The following DERL2 variants were observed in gnomAD, a reference collection of about 807,000 sequenced individuals.
DERL2 encodes the protein derlin 2.
In DERL2, 13 loss-of-function variants were observed where a neutral mutation model predicts 32.0. The ratio of observed to expected loss-of-function variants is 0.41; its 90% CI spans 0.26 to 0.65. DERL2 has a LOEUF of 0.65. DERL2 is among the 30% of genes least tolerant of loss of function. DERL2 has a pLI of 0.35. For synonymous variants in DERL2, 111 were observed against 104.7 expected (o/e 1.06, Z -0.37); for missense variants, 208 against 296.3 (o/e 0.70, Z 2.19).
intron 6 of DERL2, 146 bp downstream of exon 6, chr17:5,479,905 CTCT>C (rs1187809483): frequency 3.5e-6 from 2 of 567,330 alleles, no homozygotes; most frequent in Non-Finnish European, 6.2e-6. Context: ...AGTCCAAGTG[CTCT>C]TCAACTGTAG....
At chr17:5,476,828 C>A (rs1905418854) in intron 6 of DERL2, among the ~76,000 whole-genome samples, 2 of 152,110 alleles carry the variant, frequency 1.3e-5, no homozygotes, top group African/African-American at 4.8e-5. Context: ...CCTTCTACTG[C>A]CCAAACATTA....
chr17:5,486,590 A>C, upstream of DERL2: 2 of 156,012 alleles, frequency 1.3e-5, no homozygotes. Context: ...TGGGGAGCCA[A>C]CCGCGCCGTC....
At chr17:5,480,165 A>C (rs1215678057) in intron 5 of DERL2, 21 bp from the exon 6 acceptor site, 1 of 1,512,494 alleles carries the variant, frequency 6.6e-7, no homozygotes, top group East Asian at 2.3e-5. Context: ...GCAGAAATAA[A>C]GGATGAGGGA....
rs767267573 is a variant in DERL2 at position 5,486,149 on chromosome 17, T to C, written c.13A>G (p.Ser5Gly). The C allele has an allele frequency of 1.7e-5, 28 of 1,609,040 alleles. No individual in the cohort carries two copies. The highest frequency in any genetic ancestry group is 2.1e-5 in the Non-Finnish European group (25 of 1,177,892). The change falls in exon 1 of 7, where the codon AGC (serine) becomes GGC (glycine). Residue 5 changes from serine to glycine, a missense_variant. Around this residue, in one of 3 missense-constraint regions of DERL2, gnomAD observed 44 missense variants for 42.3 expected, o/e 1.04. Coordinates refer to ENST00000158771, the MANE Select transcript of DERL2 (RefSeq NM_016041.5). MAYQ[S>G]LRLEYLQIPP... Reference sequence around the variant, plus strand: ...ATCTGCAGGTACTCCAGCCGCAAGCTCTGGTACGCCATCTTCCCCACCGTC... The same window carrying C: ...ATCTGCAGGTACTCCAGCCGCAAGCCCTGGTACGCCATCTTCCCCACCGTC...
At chr17:5,477,178 C>G (rs1905450243) in intron 6 of DERL2, among the ~76,000 whole-genome samples, 1 of 152,124 alleles carries the variant, frequency 6.6e-6, no homozygotes. Flanking sequence ...TAAAAAGGAA[C>G]AAATTACCAA....
At chr17:5,479,186 T>C (rs930843654) in intron 6 of DERL2, among the ~76,000 whole-genome samples, 4 of 152,166 alleles carry the variant, frequency 2.6e-5, no homozygotes, top group African/African-American at 9.7e-5. Flanking sequence ...GGCGCAATCA[T>C]AGTGTATGCA....
At chr17:5,485,819 C>T (rs1906201641) in intron 1 of DERL2, 1 of 397,242 alleles carries the variant, frequency 2.5e-6, no homozygotes, top group East Asian at 3.7e-5. Context: ...GCTCCCGCAA[C>T]CCTAACCCGC....
chr17:5,486,176 CCT>C lies in DERL2; in HGVS notation c.-17_-16del. The C allele has an allele frequency of 6.4e-7, 1 of 1,559,632 alleles. No homozygotes were observed. ...TGGTACGCCATCTTCCCCACCGTCG[CCT>C]GCCCCACCCCCCACCCACCCCATTT... On this transcript the variant is annotated 5_prime_UTR_variant, in exon 1 of 7. Transcript: ENST00000158771.
In DERL2 at chr17:5,475,508, C is replaced by T. The variant is rs368116078; in HGVS notation, c.615-719G>A. ...TCCTGAACTCAGGTGATCTGCCTGC[C>T]TCGGCTTCCCAAAATGCTGGGATTA... On this transcript the variant is annotated intron_variant, in intron 6 of 6. Transcript: ENST00000158771. Among the ~76,000 whole-genome samples, 166 of 152,268 alleles carry T rather than the reference C, an allele frequency of 1.1e-3. 6 individuals carry two copies. In the South Asian group the frequency reaches 0.034, roughly 31 times the overall value.
chr17:5,483,119 A>C (rs1490749794), intron 2 of DERL2, among the ~76,000 whole-genome samples: 1 of 152,128 alleles, frequency 6.6e-6, no homozygotes, highest in Admixed American at 6.5e-5. Context: ...TAATAATAGG[A>C]AAGAAAATTT....
intron 6 of DERL2, among the ~76,000 whole-genome samples, chr17:5,477,242 C>T (rs994236791): frequency 6.6e-6 from 1 of 152,132 alleles, no homozygotes; most frequent in African/African-American, 2.4e-5. Flanking sequence ...TGAAAGAAGC[C>T]TTATACCAAA....
chr17:5,473,536 C>T lies in DERL2; in HGVS notation c.*1148G>A, dbSNP rs1031486102. 1 of 151,474 alleles carries T rather than the reference C, an allele frequency of 6.6e-6. No individual in the cohort carries two copies. The highest frequency in any genetic ancestry group is 1.5e-5 in the Non-Finnish European group (1 of 67,940). The allele number at this position is 151,474 out of a possible 1,614,324, so 9.4% of individuals were successfully genotyped here. On this transcript the variant is annotated 3_prime_UTR_variant, in exon 7 of 7. Coordinates refer to ENST00000158771, the MANE Select transcript of DERL2 (RefSeq NM_016041.5). ...TATGCCTAGCTAACTGGTATCTGTT[C>T]GTCTGGCTCCAAAGTCAACATTCTA...
upstream of DERL2, chr17:5,486,360 C>CCT (rs1555537951): frequency 2.0e-6 from 1 of 506,052 alleles, no homozygotes; most frequent in African/African-American, 2.0e-5. Context: ...GCCACCGCCC[C>CCT]CCCCCAGCGC....
intron 6 of DERL2, among the ~76,000 whole-genome samples, chr17:5,478,424 A>C (rs1305489433): frequency 6.6e-6 from 1 of 152,220 alleles, no homozygotes; most frequent in Non-Finnish European, 1.5e-5. Context: ...ATTTTTTAAA[A>C]ATCATAAACA....
At chr17:5,484,868 C>T (rs116040816) in intron 2 of DERL2, among the ~76,000 whole-genome samples, 4 of 152,180 alleles carry the variant, frequency 2.6e-5, no homozygotes, top group African/African-American at 7.2e-5. Flanking sequence ...CACATCAAAA[C>T]GATGCAGGGA....
Position 5,482,793 on chromosome 17 carries a change from AT to A in DERL2, c.233+15del. 7.2e-7 allele frequency: 1 copy of A among 1,394,104 alleles called. No homozygotes were observed. The highest frequency in any genetic ancestry group is 9.9e-7 in the Non-Finnish European group (1 of 1,006,220). The allele number at this position is 1,394,104 out of a possible 1,614,324, so 86.4% of individuals were successfully genotyped here. A position where few individuals can be genotyped will look rare whatever the true frequency, so the allele number is the denominator to read the frequency against. On this transcript the variant is annotated intron_variant, in intron 3 of 6. Coordinates refer to ENST00000158771, the MANE Select transcript of DERL2 (RefSeq NM_016041.5). Reference sequence around the variant, plus strand: ...AAGAAAAAGTTTTGATGCTGACCCCATTTAATAAAGGATACAGAAAAATCAT... The same window carrying A: ...AAGAAAAAGTTTTGATGCTGACCCCATTAATAAAGGATACAGAAAAATCAT...
At position 5,473,277 on chromosome 17, in the gene DERL2, C is replaced by T. The variant is rs1905203407; in HGVS notation, c.*1407G>A. 6.6e-6 allele frequency: 1 copy of T among 152,160 alleles called. No homozygotes were observed. The allele number at this position is 152,160 out of a possible 1,614,324, so 9.4% of individuals were successfully genotyped here. A position where few individuals can be genotyped will look rare whatever the true frequency, so the allele number is the denominator to read the frequency against. On this transcript the variant is annotated 3_prime_UTR_variant, in exon 7 of 7. Coordinates refer to ENST00000158771, the MANE Select transcript of DERL2 (RefSeq NM_016041.5). The stretch of plus-strand genomic sequence containing the variant: ...TCCTAGGGGTGCTCTTTCGACTCTT[C>T]CAGGTTCTGGAAGTTACTTAAGCAG...
rs7224177 is a variant in DERL2, at chr17:5,479,523, A to G, written c.614+531T>C. Among the ~76,000 whole-genome samples the G allele has an allele frequency of 8.2e-3, 1,167 of 141,992 alleles. 16 individuals are homozygous for G. The highest frequency in any genetic ancestry group is 0.029 in the African/African-American group (1,060 of 37,156). 93.2% of individuals were successfully genotyped at this position (141,992 alleles called of 152,430 possible). A position where few individuals can be genotyped will look rare whatever the true frequency, so the allele number is the denominator to read the frequency against. On this transcript the variant is annotated intron_variant, in intron 6 of 6. Transcript: ENST00000158771. ...AAAAAAAAAAAAAAAAAAAAAAAAA[A>G]AAAGAAAGAAAGAAATCAAAGTTCT... is the stretch of plus-strand genomic sequence containing the variant.
chr17:5,484,250 T>C lies in DERL2; in HGVS notation c.159+901A>G, dbSNP rs528327176. 3.9e-5 allele frequency among the ~76,000 whole-genome samples: 6 copies of C among 152,366 alleles called. No homozygotes were observed. The East Asian group carries it at 7.7e-4, about 20-fold the overall frequency. On this transcript the variant is annotated intron_variant, in intron 2 of 6. Coordinates refer to ENST00000158771, the MANE Select transcript of DERL2 (RefSeq NM_016041.5). ...GGAACAGAAAAATCCATCTCTCTTT[T>C]AGCATTTTATTTTGAGACAGGGTTT...
Sources: gnomAD v4.1 joint callset for allele counts (sites outside exome capture counted in the v4.1 genomes callset) on GRCh38, gnomAD v4.1.1 for gene constraint, gnomAD v4.1.1 regional missense constraint, MANE v1.5 for transcripts, NCBI Gene and HGNC (gene_info 2026-07-23, HGNC 2026-07-21) for gene names.